PLA2G4C: variants seen among roughly 807,000 people sequenced by gnomAD.
PLA2G4C encodes cytosolic phospholipase A2 gamma.
PLA2G4C carries 64 observed loss-of-function variants against 73.8 expected under a neutral mutation model. The observed-to-expected ratio is 0.87, with a 90% CI of 0.71 to 1.07. PLA2G4C has a LOEUF of 1.07. Among genes scored for constraint, PLA2G4C ranks in the 50% least tolerant of loss-of-function variants. PLA2G4C has a pLI of 0.00. For synonymous variants in PLA2G4C, 254 were observed against 252.1 expected, an observed-to-expected ratio of 1.01 and a Z score of -0.07; for missense variants, 622 against 665.4, an observed-to-expected ratio of 0.93 and a Z score of 0.72.
At chr19:48,061,466 G>T in intron 14 of PLA2G4C, 1 of 157,998 alleles carries the variant, frequency 6.3e-6, no homozygotes, top group Non-Finnish European at 1.4e-5. Context: ...CATTGGATCA[G>T]GCCACACAGC....
chr19:48,073,552 T>C (rs2029933453), intron 12 of PLA2G4C, among the ~76,000 whole-genome samples: 1 of 151,532 alleles, frequency 6.6e-6, no homozygotes. Context: ...GATGGATGGA[T>C]GGCCGGTTGG....
intron 16 of PLA2G4C, among the ~76,000 whole-genome samples, chr19:48,050,645 C>T (rs902294049): frequency 1.3e-5 from 2 of 149,090 alleles, no homozygotes; most frequent in African/African-American, 4.9e-5. Context: ...TGTCCCTATC[C>T]TAATCCCTAG....
intron 14 of PLA2G4C, among the ~76,000 whole-genome samples, chr19:48,058,625 C>G (rs1968052129): frequency 6.6e-6 from 1 of 152,054 alleles, no homozygotes; most frequent in Non-Finnish European, 1.5e-5. Context: ...CAAGACCAGC[C>G]TGGCCAAAAT....
At chr19:48,092,176 A>G (rs142296925) in intron 7 of PLA2G4C, among the ~76,000 whole-genome samples, 6,116 of 152,048 alleles carry the variant, frequency 0.04, 161 homozygotes, top group African/African-American at 0.059. Context: ...CAGCCTCCTG[A>G]GTAACTGGAA....
Position 48,099,719 on chromosome 19 carries a change from A to G in PLA2G4C, c.399T>C (p.Ser133=), listed in dbSNP as rs11564533. 2.2e-3 allele frequency: 3,553 copies of G among 1,614,104 alleles called. 68 individuals are homozygous for G. The African/African-American group carries it at 0.04, about 18-fold the overall frequency. The change falls in exon 5 of 17, where the codon TCT becomes TCC. Residue 133 remains serine, a synonymous_variant. Coordinates refer to ENST00000599921, the MANE Select transcript of PLA2G4C (RefSeq NM_003706.3). ...CCATGTAGGCCCAGAAGTCGGTCAG[A>G]GAGTAATTCTCAGACCTCGCTGCTT... ...TIQAARSENY[S]LTDFWAYMVI...
At chr19:48,084,754 T>C (rs1393199416) in intron 10 of PLA2G4C, among the ~76,000 whole-genome samples, 2 of 152,252 alleles carry the variant, frequency 1.3e-5, no homozygotes, top group Non-Finnish European at 2.9e-5. Flanking sequence ...ACTACTATTA[T>C]TATCACCCAC....
At chr19:48,086,318 C>T (rs11564579) in intron 9 of PLA2G4C, among the ~76,000 whole-genome samples, 1,717 of 152,164 alleles carry the variant, frequency 0.011, 38 homozygotes, top group African/African-American at 0.039. Context: ...GTGTGGGATC[C>T]GCGTGGGGCT....
chr19:48,056,747 G>A (rs945848642), intron 14 of PLA2G4C, among the ~76,000 whole-genome samples: 6 of 147,624 alleles, frequency 4.1e-5, no homozygotes, highest in African/African-American at 7.5e-5. Context: ...CAGGAGAATC[G>A]CTTGAACATG....
At position 48,098,155 on chromosome 19, in the gene PLA2G4C, C is replaced by T; in HGVS notation, c.552G>A (p.Gln184=). ...AIDNDLQPSW[Q]EARAPETWFE... is the part of the protein sequence containing the mutation. ...TTTGCTTACCTGGTGCTCTTGCCTC[C>T]TGCCAGGAAGGTTGCAGGTCATTGT... Residue 184 remains glutamine (Q), a synonymous_variant, in exon 6 of 17, where the codon CAG becomes CAA. Coordinates refer to ENST00000599921, the MANE Select transcript of PLA2G4C (RefSeq NM_003706.3). 1 of 1,613,742 alleles carries T rather than the reference C, an allele frequency of 6.2e-7. No homozygotes were observed. Among genetic ancestry groups the T allele is most frequent in the Non-Finnish European group, 8.5e-7 (1 of 1,179,846 alleles).
At chr19:48,107,692 A>C (rs183837858) in intron 1 of PLA2G4C, among the ~76,000 whole-genome samples, 3 of 152,278 alleles carry the variant, frequency 2.0e-5, no homozygotes, top group Admixed American at 2.0e-4. Flanking sequence ...GCCCGCCCGC[A>C]GTTATCCAGA....
chr19:48,048,445 C>T lies in PLA2G4C; in HGVS notation c.1581-57G>A, dbSNP rs11564672. 6.8e-3 allele frequency: 8,607 copies of T among 1,270,862 alleles called. 437 individuals carry two copies. In the African/African-American group the frequency reaches 0.11, roughly 16 times the overall value. The allele number at this position is 1,270,862 out of a possible 1,614,324, so 78.7% of individuals were successfully genotyped here. ...TGTGCTTTGTAGGCAGTGTTGCACACTGGATAAGATTAGAAGACCTGGAAG... is the reference window on the plus strand; with the variant it reads ...TGTGCTTTGTAGGCAGTGTTGCACATTGGATAAGATTAGAAGACCTGGAAG... On this transcript the variant is annotated intron_variant, in intron 16 of 16. Transcript: ENST00000599921.
chr19:48,055,310 G>A (rs1967896471), intron 14 of PLA2G4C, among the ~76,000 whole-genome samples: 2 of 151,182 alleles, frequency 1.3e-5, no homozygotes, highest in Admixed American at 1.3e-4. Context: ...GGGACTCAGA[G>A]GGCAAGGAAA....
chr19:48,069,498 C>A (rs1968578779), intron 12 of PLA2G4C, among the ~76,000 whole-genome samples: 1 of 152,168 alleles, frequency 6.6e-6, no homozygotes, highest in Non-Finnish European at 1.5e-5. Flanking sequence ...TCACCAAGAC[C>A]TGCCAATTCC....
chr19:48,090,462 G>A, intron 7 of PLA2G4C, 45 bp from the exon 8 acceptor site: 8 of 1,422,796 alleles, frequency 5.6e-6, no homozygotes, highest in Non-Finnish European at 8.0e-6. Flanking sequence ...TCCATCACGT[G>A]ACTGTCATGT....
rs559530733 is a variant in PLA2G4C at position 48,110,575 on chromosome 19, G to T, written c.-121C>A. On this transcript the variant is annotated 5_prime_UTR_variant, in exon 1 of 17. Transcript: ENST00000599921. ...GAGGCTTGGGCTCCCTGCGCTTAGCGGTGTAGTCGCTGGACAGCTCCTTCA... is the reference window on the plus strand; with the variant it reads ...GAGGCTTGGGCTCCCTGCGCTTAGCTGTGTAGTCGCTGGACAGCTCCTTCA... 16 of 351,696 alleles carry T rather than the reference G, an allele frequency of 4.5e-5. No individual in the cohort carries two copies. The Middle Eastern group carries it at 2.6e-3, about 57-fold the overall frequency. The allele number at this position is 351,696 out of a possible 1,614,324, so 21.8% of individuals were successfully genotyped here. A position where few individuals can be genotyped will look rare whatever the true frequency, so the allele number is the denominator to read the frequency against.
At chr19:48,098,415 TC>T (rs1444874657) in intron 5 of PLA2G4C, among the ~76,000 whole-genome samples, 156 bp from the exon 6 acceptor site, 1 of 151,404 alleles carries the variant, frequency 6.6e-6, no homozygotes, top group East Asian at 2.0e-4. Flanking sequence ...AGCCTCAACC[TC>T]CTGGGCTCAA....
intron 2 of PLA2G4C, among the ~76,000 whole-genome samples, 196 bp downstream of exon 2, chr19:48,106,326 C>T (rs1193172075): frequency 1.3e-5 from 2 of 152,132 alleles, no homozygotes; most frequent in African/African-American, 4.8e-5. Context: ...CTCTGGGGCT[C>T]AAGAGATCTT....
chr19:48,093,462 C>G (rs890559808), intron 7 of PLA2G4C, among the ~76,000 whole-genome samples: 1 of 150,314 alleles, frequency 6.7e-6, no homozygotes, highest in South Asian at 2.1e-4. Context: ...AATCCATGCT[C>G]AGAGAGAGAG....
At chr19:48,058,163 G>C (rs891817861) in intron 14 of PLA2G4C, among the ~76,000 whole-genome samples, 2 of 151,970 alleles carry the variant, frequency 1.3e-5, no homozygotes, top group African/African-American at 4.8e-5. Context: ...GCTGGGTGTG[G>C]TGGCGCATGC....
Sources: gnomAD v4.1 joint callset for allele counts (sites outside exome capture counted in the v4.1 genomes callset) on GRCh38, gnomAD v4.1.1 for gene constraint, MANE v1.5 for transcripts, NCBI Gene and HGNC (gene_info 2026-07-23, HGNC 2026-07-21) for gene names.